The following SCFD2 variants were observed in gnomAD, a reference collection of about 807,000 sequenced individuals.
SCFD2 encodes sec1 family domain containing 2.
In SCFD2, 54 loss-of-function variants were observed where a neutral mutation model predicts 58.9. The ratio of observed to expected loss-of-function variants is 0.92; its 90% CI spans 0.74 to 1.15. SCFD2 has a LOEUF of 1.15. Ranked by LOEUF, SCFD2 falls within the 50% of genes most tolerant of loss-of-function variation. The probability of loss-of-function intolerance (pLI) is 0.00; values close to 1 mark genes in which losing one functional copy is unlikely to be tolerated. For synonymous variants in SCFD2, 321 were observed against 335.9 expected (o/e 0.96, Z 0.49); for missense variants, 805 against 836.6 (o/e 0.96, Z 0.47).
intron 4 of SCFD2, among the ~76,000 whole-genome samples, chr4:53,181,049 A>G (rs1367624704): frequency 6.6e-6 from 1 of 152,214 alleles, no homozygotes; most frequent in African/African-American, 2.4e-5. Flanking sequence ...GACCAGATGG[A>G]TTCACAGCCG....
chr4:53,023,351 G>A (rs1722395407), intron 5 of SCFD2, among the ~76,000 whole-genome samples: 2 of 152,076 alleles, frequency 1.3e-5, no homozygotes, highest in Non-Finnish European at 2.9e-5. Context: ...TTGGATATCA[G>A]TTTCCAAAGG....
At chr4:52,970,200 G>T (rs1446415010) in intron 5 of SCFD2, among the ~76,000 whole-genome samples, 1 of 152,190 alleles carries the variant, frequency 6.6e-6, no homozygotes, top group Non-Finnish European at 1.5e-5. Context: ...TACCCAGTGT[G>T]AGCCAAAGCA....
At chr4:52,929,183 TTC>T (rs1719931890) in intron 5 of SCFD2, among the ~76,000 whole-genome samples, 7 of 152,192 alleles carry the variant, frequency 4.6e-5, no homozygotes, top group Admixed American at 4.6e-4. Context: ...ATTATTCTCC[TTC>T]TCTGTTTTAA....
chr4:53,300,915 C>A (rs1441046741), intron 3 of SCFD2, among the ~76,000 whole-genome samples: 1 of 152,148 alleles, frequency 6.6e-6, no homozygotes, highest in African/African-American at 2.4e-5. Context: ...AACAAAGACA[C>A]AACATATCAG....
intron 1 of SCFD2, among the ~76,000 whole-genome samples, chr4:53,359,959 T>A (rs1734505599): frequency 2.0e-5 from 3 of 152,240 alleles, no homozygotes; most frequent in African/African-American, 7.2e-5. Context: ...TGACCTCCAC[T>A]GCCTCAGTTC....
At chr4:53,321,878 A>G (rs1733035837) in intron 2 of SCFD2, among the ~76,000 whole-genome samples, 1 of 152,210 alleles carries the variant, frequency 6.6e-6, no homozygotes, top group Non-Finnish European at 1.5e-5. Context: ...CTTTCAAAAT[A>G]TAAGCACTTT....
chr4:53,172,038 ACT>A (rs1485787162), intron 4 of SCFD2, among the ~76,000 whole-genome samples: 1 of 150,840 alleles, frequency 6.6e-6, no homozygotes, highest in Non-Finnish European at 1.5e-5. Flanking sequence ...ACAGAGTCTC[ACT>A]CTGTCACCAG....
At chr4:53,337,202 T>G (rs910295876) in intron 2 of SCFD2, among the ~76,000 whole-genome samples, 39 of 152,212 alleles carry the variant, frequency 2.6e-4, no homozygotes, top group African/African-American at 9.2e-4. Context: ...GATGGCCCAC[T>G]TCTTGTGTGT....
chr4:52,976,089 G>C (rs1262168669), intron 5 of SCFD2, among the ~76,000 whole-genome samples: 3 of 151,822 alleles, frequency 2.0e-5, no homozygotes, highest in Admixed American at 6.6e-5. Flanking sequence ...CGAGTTAATG[G>C]GGGCAGCACA....
intron 5 of SCFD2, among the ~76,000 whole-genome samples, chr4:53,108,364 A>T (rs879303873): frequency 1.3e-5 from 2 of 152,164 alleles, no homozygotes; most frequent in African/African-American, 2.4e-5. Flanking sequence ...ACAAGAAATA[A>T]CTACAGCAGA....
rs184134441 is a variant in SCFD2, at chr4:53,041,202, T to A, written c.1561+104131A>T. ...ATGCAACCATCTGTGGGATCCCCAA[T>A]GGCAGACGTTTGTTTCTAGAACTGA... On this transcript the variant is annotated intron_variant, in intron 5 of 8. Transcript: ENST00000401642. Among the ~76,000 whole-genome samples, 497 of 152,296 alleles carry A rather than the reference T, an allele frequency of 3.3e-3. 2 individuals carry two copies. The highest frequency in any genetic ancestry group is 4.1e-3 in the Non-Finnish European group (276 of 68,004).
intron 2 of SCFD2, among the ~76,000 whole-genome samples, chr4:53,343,411 T>C (rs527513184): frequency 6.6e-6 from 1 of 152,126 alleles, no homozygotes; most frequent in East Asian, 1.9e-4. Context: ...AGGAAGAAGT[T>C]GAATCCCTGA....
intron 5 of SCFD2, among the ~76,000 whole-genome samples, chr4:52,973,113 G>A (rs1021482746): frequency 8.9e-4 from 135 of 151,374 alleles, no homozygotes; most frequent in Non-Finnish European, 1.5e-3. Flanking sequence ...AAGAACTAGA[G>A]AAGCAAGAGC....
chr4:53,219,504 G>C (rs1280164352), intron 4 of SCFD2, among the ~76,000 whole-genome samples: 3 of 152,094 alleles, frequency 2.0e-5, no homozygotes, highest in African/African-American at 7.2e-5. Flanking sequence ...ATTACGGTGG[G>C]AGTGAACCGA....
At chr4:53,112,196 G>A (rs946557026) in intron 5 of SCFD2, among the ~76,000 whole-genome samples, 11 of 152,090 alleles carry the variant, frequency 7.2e-5, no homozygotes, top group Non-Finnish European at 1.3e-4. Flanking sequence ...CTCAAATGAA[G>A]CTTGACCAAA....
At chr4:53,262,690 C>G (rs1039271099) in intron 4 of SCFD2, among the ~76,000 whole-genome samples, 4 of 152,172 alleles carry the variant, frequency 2.6e-5, no homozygotes, top group Non-Finnish European at 5.9e-5. Flanking sequence ...AAGATTCTTT[C>G]CTTTGTCTTG....
chr4:53,219,404 C>T (rs1472944149), intron 4 of SCFD2, among the ~76,000 whole-genome samples: 8 of 152,204 alleles, frequency 5.3e-5, no homozygotes, highest in South Asian at 4.1e-4. Flanking sequence ...TAGCAATAAG[C>T]GAGGCTCCAT....
intron 5 of SCFD2, among the ~76,000 whole-genome samples, chr4:53,043,515 G>A (rs1054323483): frequency 1.3e-5 from 2 of 152,094 alleles, no homozygotes; most frequent in Non-Finnish European, 2.9e-5. Flanking sequence ...GAAATATAAA[G>A]TGAAAAAATA....
intron 5 of SCFD2, among the ~76,000 whole-genome samples, chr4:53,103,913 A>G (rs539843447): frequency 1.0e-4 from 14 of 139,598 alleles, no homozygotes; most frequent in Non-Finnish European, 1.5e-4. Context: ...AAAAAAAAAA[A>G]AAAGAAAATG....
Sources: gnomAD v4.1 joint callset for allele counts (sites outside exome capture counted in the v4.1 genomes callset) on GRCh38, gnomAD v4.1.1 for gene constraint, MANE v1.5 for transcripts, NCBI Gene and HGNC (gene_info 2026-07-23, HGNC 2026-07-21) for gene names.